The following GFM2 variants were observed in gnomAD, a reference collection of about 807,000 sequenced individuals.
GFM2 encodes the protein GTP dependent ribosome recycling factor mitochondrial 2.
Under a neutral mutation model 95.4 loss-of-function variants are expected in GFM2, and 72 were observed. The observed-to-expected ratio is 0.76, with a 90% confidence interval of 0.62 to 0.92. The LOEUF is 0.92. GFM2 is among the 40% of genes least tolerant of loss of function. The probability of loss-of-function intolerance (pLI) is 0.00; values close to 1 mark genes in which losing one functional copy is unlikely to be tolerated. For synonymous variants in GFM2, 276 were observed against 317.5 expected, an observed-to-expected ratio of 0.87 and a Z score of 1.39; for missense variants, 825 against 924.1, an observed-to-expected ratio of 0.89 and a Z score of 1.39.
rs775748234 is a variant in GFM2, at chr5:74,721,624, C to T, written c.*31G>A. On this transcript the variant is annotated 3_prime_UTR_variant, in exon 21 of 21. Transcript: ENST00000296805. ...TTACTGAAAATGAAGTAGCTAGGTG[C>T]TCCTGAATTTCTCTCCAAAAACTAA... The T allele has an allele frequency of 2.5e-6, 4 of 1,599,510 alleles. No individual in the cohort carries two copies. The highest frequency in any genetic ancestry group is 1.7e-4 in the Middle Eastern group (1 of 6,018).
chr5:74,729,025 T>G (rs1353495068), intron 17 of GFM2, among the ~76,000 whole-genome samples: 2 of 152,228 alleles, frequency 1.3e-5, no homozygotes, highest in South Asian at 2.1e-4. Context: ...GTGCTGGGAT[T>G]ACAGGCGTGA....
At position 74,746,160 on chromosome 5, in the gene GFM2, T is replaced by C. The variant is rs1743376001; in HGVS notation, c.614A>G (p.Lys205Arg). The C allele has an allele frequency of 1.3e-6, 2 of 1,511,546 alleles. No homozygotes were observed. Among genetic ancestry groups the C allele is most frequent in the African/African-American group, 2.8e-5 (2 of 71,106 alleles). The allele number at this position is 1,511,546 out of a possible 1,614,324, so 93.6% of individuals were successfully genotyped here. Residue 205 changes from lysine to arginine, a missense_variant, in exon 9 of 21, where the codon AAG (lysine) becomes AGG (arginine). By Grantham distance (26) the Lys-to-Arg change is conservative. Transcript: ENST00000296805. ...CTCTCTGATGCTTTCAACTGCATAC[T>C]TAAAGCTGTAGAAAGCAAAATAATT... ...NKMDKTGASF[K>R]YAVESIREKL... is the part of the protein sequence containing the mutation.
At chr5:74,744,033 G>A (rs1321496768) in intron 10 of GFM2, among the ~76,000 whole-genome samples, 1 of 152,142 alleles carries the variant, frequency 6.6e-6, no homozygotes, top group Non-Finnish European at 1.5e-5. Context: ...ATACAGTCAG[G>A]AATCAGTTAG....
rs145997856 is a variant in GFM2 at position 74,726,030 on chromosome 5, T to C, written c.1823A>G (p.Glu608Gly). The part of the protein sequence containing the change: ...IETSSVMPVI[E>G]FEYAESINEG... Reference sequence around the variant, plus strand: ...ATTGATACTTTCAGCATACTCAAACTCAATCACAGGCATAACAGATGATGT... The same window carrying C: ...ATTGATACTTTCAGCATACTCAAACCCAATCACAGGCATAACAGATGATGT... The change falls in exon 18 of 21, where the codon GAG becomes GGG. Residue 608 changes from glutamate to glycine, a missense_variant. Glu to Gly is a moderately conservative substitution (Grantham distance 98, BLOSUM62 -2). Coordinates refer to ENST00000296805, the MANE Select transcript of GFM2 (RefSeq NM_032380.5). 1 of 1,445,512 alleles carries C rather than the reference T, an allele frequency of 6.9e-7. No homozygotes were observed. The highest frequency in any genetic ancestry group is 1.2e-5 in the South Asian group (1 of 86,518). The allele number at this position is 1,445,512 out of a possible 1,614,324, so 89.5% of individuals were successfully genotyped here.
At chr5:74,734,883 TG>T (rs1392603141) in intron 15 of GFM2, among the ~76,000 whole-genome samples, 14 of 152,164 alleles carry the variant, frequency 9.2e-5, no homozygotes, top group African/African-American at 3.1e-4. Context: ...AATGAGACTT[TG>T]GATACCACAC....
chr5:74,748,725 C>T (rs1451009378), intron 7 of GFM2, among the ~76,000 whole-genome samples: 3 of 151,132 alleles, frequency 2.0e-5, no homozygotes, highest in South Asian at 2.1e-4. Flanking sequence ...ATTAGCCAGG[C>T]GTGGTGGTGC....
chr5:74,765,135 G>T, intron 1 of GFM2: 1 of 1,217,646 alleles, frequency 8.2e-7, no homozygotes, highest in Non-Finnish European at 1.1e-6. Context: ...GGGCCTCATA[G>T]TCTCTCCACA....
intron 15 of GFM2, 76 bp downstream of exon 15, chr5:74,736,720 T>C (rs1742849404): frequency 6.3e-7 from 1 of 1,579,136 alleles, no homozygotes. Flanking sequence ...ATAAGAAATC[T>C]CTTGAGGGTA....
At chr5:74,738,256 T>C in intron 14 of GFM2, 62 bp downstream of exon 14, 1 of 1,256,958 alleles carries the variant, frequency 8.0e-7, no homozygotes, top group Non-Finnish European at 1.1e-6. Context: ...ATATTACAAG[T>C]TGCTTACTTG....
At chr5:74,729,548 C>T (rs1252163499) in intron 17 of GFM2, among the ~76,000 whole-genome samples, 1 of 152,136 alleles carries the variant, frequency 6.6e-6, no homozygotes, top group Non-Finnish European at 1.5e-5. Context: ...GATAAACAGT[C>T]CAGAAAGAGA....
chr5:74,751,307 C>G, intron 6 of GFM2, 61 bp downstream of exon 6: 1 of 1,538,530 alleles, frequency 6.5e-7, no homozygotes, highest in Non-Finnish European at 8.8e-7. Flanking sequence ...ACAAAAACCC[C>G]AGAAAAACAA....
At chr5:74,744,239 T>C (rs1314043916) in intron 10 of GFM2, among the ~76,000 whole-genome samples, 1 of 152,158 alleles carries the variant, frequency 6.6e-6, no homozygotes, top group African/African-American at 2.4e-5. Flanking sequence ...CAATGGTAAG[T>C]ATTTGTGTAT....
chr5:74,722,028 C>T (rs1046571343), intron 20 of GFM2, among the ~76,000 whole-genome samples: 1 of 152,094 alleles, frequency 6.6e-6, no homozygotes. Context: ...TTGCCGGCAA[C>T]CCAGGTGCCT....
intron 17 of GFM2, among the ~76,000 whole-genome samples, chr5:74,729,891 A>G (rs1008766991): frequency 1.3e-5 from 2 of 152,190 alleles, no homozygotes; most frequent in African/African-American, 4.8e-5. Flanking sequence ...ATATTTATTA[A>G]GTACTGAAAC....
chr5:74,725,831 G>C, intron 18 of GFM2, 76 bp from the exon 19 acceptor site: 6 of 1,430,012 alleles, frequency 4.2e-6, no homozygotes, highest in Non-Finnish European at 5.9e-6. Flanking sequence ...CAAAGGAATA[G>C]GGAGAAAACA....
chr5:74,728,116 G>A (rs909165411), intron 17 of GFM2, among the ~76,000 whole-genome samples: 3 of 151,902 alleles, frequency 2.0e-5, no homozygotes, highest in Non-Finnish European at 4.4e-5. Context: ...ATTTTTGATC[G>A]TTTCTTGTTC....
chr5:74,741,396 C>T, intron 11 of GFM2, 133 bp downstream of exon 11: 1 of 595,074 alleles, frequency 1.7e-6, no homozygotes, highest in African/African-American at 1.9e-5. Context: ...TTAATGTTCT[C>T]CTAACTTTAA....
At position 74,739,983 on chromosome 5, in the gene GFM2, AC is replaced by A. The variant is rs1743032025; in HGVS notation, c.1079+5del. The A allele has an allele frequency of 6.6e-7, 1 of 1,509,186 alleles. No individual in the cohort carries two copies. The highest frequency in any genetic ancestry group is 8.9e-7 in the Non-Finnish European group (1 of 1,128,626). 93.5% of individuals were successfully genotyped at this position (1,509,186 alleles called of 1,614,324 possible). On this transcript the variant is annotated splice_donor_5th_base_variant and intron_variant, in intron 12 of 20. Coordinates refer to ENST00000296805, the MANE Select transcript of GFM2 (RefSeq NM_032380.5). ...AGAATTTTAATATATGTGATTGCATACTTACAGAAATTCATAGTTACGCTCT... is the reference window on the plus strand; with the variant it reads ...AGAATTTTAATATATGTGATTGCATATTACAGAAATTCATAGTTACGCTCT...
Position 74,740,128 on chromosome 5 carries a change from C to T in GFM2, c.940G>A (p.Ala314Thr). Residue 314 changes from alanine to threonine, a missense_variant, in exon 12 of 21, where the codon GCA (alanine) becomes ACA (threonine). By Grantham distance (58) the Ala-to-Thr change is moderately conservative. Coordinates refer to ENST00000296805, the MANE Select transcript of GFM2 (RefSeq NM_032380.5). ...DLLPAEKLQTAIHRVTLAQTA... is the reference protein window; with the variant it reads ...DLLPAEKLQTTIHRVTLAQTA... ...TGAGCTAGTGTCACTCTATGTATTGCAGTCTGTAGCTACAGAGCAGAGATA... is the reference window on the plus strand; with the variant it reads ...TGAGCTAGTGTCACTCTATGTATTGTAGTCTGTAGCTACAGAGCAGAGATA... 6 of 1,597,678 alleles carry T rather than the reference C, an allele frequency of 3.8e-6. No homozygotes were observed. Among genetic ancestry groups the T allele is most frequent in the South Asian group, 2.3e-5 (2 of 87,726 alleles).
Sources: gnomAD v4.1 joint callset for allele counts (sites outside exome capture counted in the v4.1 genomes callset) on GRCh38, gnomAD v4.1.1 for gene constraint, MANE v1.5 for transcripts, NCBI Gene and HGNC (gene_info 2026-07-23, HGNC 2026-07-21) for gene names.